MAB21L3: variants seen among roughly 807,000 people sequenced by gnomAD.
MAB21L3 encodes mab-21 like 3.
In MAB21L3, 36 loss-of-function variants were observed where a neutral mutation model predicts 37.7. The ratio of observed to expected loss-of-function variants is 0.96; its 90% CI spans 0.73 to 1.26. The LOEUF is 1.26. Among genes scored for constraint, MAB21L3 ranks in the 50% most tolerant of loss-of-function variants. MAB21L3 has a pLI of 0.00. For missense variants in MAB21L3, 430 were observed against 447.3 expected (o/e 0.96, Z 0.35); for synonymous variants, 186 against 176.8 (o/e 1.05, Z -0.41).
rs931129398 is a variant in MAB21L3 at position 116,133,520 on chromosome 1, A to G, written c.*155A>G. ...AAACCAGAAACACTTCAGCAGGGGG[A>G]AAACTGTGCCCCAGGATGTCTGGCC... On this transcript the variant is annotated 3_prime_UTR_variant, in exon 8 of 8. Coordinates refer to ENST00000369500, the MANE Select transcript of MAB21L3 (RefSeq NM_152367.3). 2.9e-6 allele frequency: 2 copies of G among 689,370 alleles called. No individual in the cohort carries two copies. Among genetic ancestry groups the G allele is most frequent in the African/African-American group, 1.8e-5 (1 of 55,526 alleles). 42.7% of individuals were successfully genotyped at this position (689,370 alleles called of 1,614,324 possible). A position where few individuals can be genotyped will look rare whatever the true frequency, so the allele number is the denominator to read the frequency against.
At chr1:116,113,756 G>C (rs1659494936) in intron 3 of MAB21L3, among the ~76,000 whole-genome samples, 1 of 152,198 alleles carries the variant, frequency 6.6e-6, no homozygotes, top group East Asian at 1.9e-4. Context: ...AAAAAAATCA[G>C]AATATTTCGC....
chr1:116,112,913 G>A (rs1659470724), intron 3 of MAB21L3, among the ~76,000 whole-genome samples: 1 of 152,126 alleles, frequency 6.6e-6, no homozygotes, highest in East Asian at 1.9e-4. Flanking sequence ...GGGGAATGAG[G>A]GGGAACTCCA....
intron 5 of MAB21L3, among the ~76,000 whole-genome samples, chr1:116,125,023 CA>C (rs34794672): frequency 0.59 from 85,001 of 143,176 alleles, 25,516 homozygotes; most frequent in African/African-American, 0.76. Flanking sequence ...AGATAATTAC[CA>C]AAAAAAAAAA....
chr1:116,122,290 A>G (rs1012437658), intron 4 of MAB21L3, among the ~76,000 whole-genome samples: 2 of 152,210 alleles, frequency 1.3e-5, no homozygotes, highest in East Asian at 3.8e-4. Context: ...CTGGAATGCT[A>G]GAATATCACT....
intron 3 of MAB21L3, among the ~76,000 whole-genome samples, chr1:116,117,235 T>C (rs1057409238): frequency 5.6e-4 from 83 of 147,980 alleles, no homozygotes; most frequent in African/African-American, 1.9e-3. Flanking sequence ...TTCTATGGAA[T>C]TACATCCGTG....
intron 3 of MAB21L3, 74 bp downstream of exon 3, chr1:116,112,737 A>C: frequency 6.7e-7 from 1 of 1,496,816 alleles, no homozygotes. Context: ...TTCGTCCAGA[A>C]AGGATCTCAG....
intron 4 of MAB21L3, among the ~76,000 whole-genome samples, chr1:116,122,623 C>A (rs573886331): frequency 6.6e-6 from 1 of 152,326 alleles, no homozygotes; most frequent in East Asian, 1.9e-4. Flanking sequence ...TGCAGTGCTG[C>A]GATCATGGCT....
chr1:116,133,522 A>T lies in MAB21L3; in HGVS notation c.*157A>T. The stretch of plus-strand genomic sequence containing the variant: ...ACCAGAAACACTTCAGCAGGGGGAA[A>T]ACTGTGCCCCAGGATGTCTGGCCCA... On this transcript the variant is annotated 3_prime_UTR_variant, in exon 8 of 8. Coordinates refer to ENST00000369500, the MANE Select transcript of MAB21L3 (RefSeq NM_152367.3). The T allele has an allele frequency of 5.8e-6, 4 of 684,026 alleles. No individual in the cohort carries two copies. Among genetic ancestry groups the T allele is most frequent in the South Asian group, 5.7e-5 (3 of 52,504 alleles). The allele number at this position is 684,026 out of a possible 1,614,324, so 42.4% of individuals were successfully genotyped here. A position where few individuals can be genotyped will look rare whatever the true frequency, so the allele number is the denominator to read the frequency against.
intron 6 of MAB21L3, among the ~76,000 whole-genome samples, chr1:116,127,930 G>C (rs1659956212): frequency 6.6e-6 from 1 of 152,182 alleles, no homozygotes; most frequent in South Asian, 2.1e-4. Context: ...GCTCAAGTTG[G>C]AGAACTGCTG....
At chr1:116,113,446 C>T (rs1659484208) in intron 3 of MAB21L3, among the ~76,000 whole-genome samples, 1 of 152,148 alleles carries the variant, frequency 6.6e-6, no homozygotes, top group Non-Finnish European at 1.5e-5. Context: ...CCATTAATTC[C>T]TCCCTTTGAG....
chr1:116,120,862 A>G, intron 3 of MAB21L3, 70 bp from the exon 4 acceptor site: 2 of 1,572,746 alleles, frequency 1.3e-6, no homozygotes, highest in Non-Finnish European at 1.7e-6. Flanking sequence ...TTGTCTCCTC[A>G]CTCTCTTATG....
At chr1:116,119,981 A>ATT (rs1422836398) in intron 3 of MAB21L3, among the ~76,000 whole-genome samples, 1 of 152,134 alleles carries the variant, frequency 6.6e-6, no homozygotes, top group Non-Finnish European at 1.5e-5. Flanking sequence ...GAGAACCATC[A>ATT]TTTACTGATG....
At chr1:116,112,698 T>G in intron 3 of MAB21L3, 35 bp downstream of exon 3, 2 of 1,607,996 alleles carry the variant, frequency 1.2e-6, no homozygotes, top group Non-Finnish European at 1.7e-6. Context: ...ATGAACCCCC[T>G]CCCCATTCAC....
chr1:116,127,781 T>C, intron 6 of MAB21L3, 137 bp downstream of exon 6: 1 of 961,004 alleles, frequency 1.0e-6, no homozygotes, highest in African/African-American at 1.7e-5. Flanking sequence ...GTGTGGGCCC[T>C]GCAGCAGCGT....
chr1:116,121,152 G>A, intron 4 of MAB21L3, 80 bp downstream of exon 4: 1 of 1,365,982 alleles, frequency 7.3e-7, no homozygotes. Flanking sequence ...TGTGACAGAT[G>A]CTTGCCTCAC....
intron 5 of MAB21L3, among the ~76,000 whole-genome samples, chr1:116,125,296 T>C (rs1659871997): frequency 6.6e-6 from 1 of 152,244 alleles, no homozygotes. Context: ...TATAATGTGC[T>C]TACTTGACAA....
chr1:116,123,870 T>C, intron 4 of MAB21L3, 196 bp from the exon 5 acceptor site: 1 of 566,138 alleles, frequency 1.8e-6, no homozygotes, highest in South Asian at 2.3e-5. Context: ...GCCCGAAGTA[T>C]TTACAATGAT....
At chr1:116,131,157 G>T (rs1660056539) in intron 7 of MAB21L3, among the ~76,000 whole-genome samples, 1 of 152,200 alleles carries the variant, frequency 6.6e-6, no homozygotes, top group Non-Finnish European at 1.5e-5. Context: ...TTATAATCCA[G>T]TAGGGGAAAT....
Position 116,112,566 on chromosome 1 carries a change from A to G in MAB21L3, c.-50A>G, listed in dbSNP as rs1339099944. On this transcript the variant is annotated 5_prime_UTR_variant, in exon 3 of 8. Coordinates refer to ENST00000369500, the MANE Select transcript of MAB21L3 (RefSeq NM_152367.3). The stretch of plus-strand genomic sequence containing the variant: ...ACAAGTGTTGCACTCCATTGAGAAA[A>G]AAAAAAAAACCAGGAAGTTGCTGTT... The G allele has an allele frequency of 3.1e-6, 5 of 1,595,176 alleles. No individual in the cohort carries two copies. The South Asian group carries it at 5.6e-5, about 18-fold the overall frequency.
Sources: allele counts gnomAD v4.1 joint callset (sites outside exome capture counted in the v4.1 genomes callset), GRCh38; gene constraint gnomAD v4.1.1; transcripts MANE v1.5; gene names NCBI Gene and HGNC (gene_info 2026-07-23, HGNC 2026-07-21).